CCDC170: variants seen among roughly 807,000 people sequenced by gnomAD.
The protein encoded by CCDC170 is coiled-coil domain containing 170, also known as coiled-coil domain-containing protein 170.
Under a neutral mutation model 72.6 loss-of-function variants are expected in CCDC170, and 69 were observed. The observed-to-expected ratio is 0.95, with a 90% CI of 0.78 to 1.16. The LOEUF (loss-of-function observed/expected upper bound fraction) is 1.16, where lower values mean the gene tolerates loss of function less well. Among genes scored for constraint, CCDC170 ranks in the 50% most tolerant of loss-of-function variants. CCDC170 has a pLI of 0.00. For missense variants in CCDC170, 852 were observed against 832.5 expected, an observed-to-expected ratio of 1.02 and a Z score of -0.29; for synonymous variants, 300 against 303.9, an observed-to-expected ratio of 0.99 and a Z score of 0.13.
intron 9 of CCDC170, among the ~76,000 whole-genome samples, chr6:151,599,667 G>C (rs1776675169): frequency 6.6e-6 from 1 of 152,090 alleles, no homozygotes; most frequent in Non-Finnish European, 1.5e-5. Flanking sequence ...GAGAGAGATA[G>C]AGAGAGAGCA....
rs1033575924 is a variant in CCDC170 at position 151,517,741 on chromosome 6, C to T, written c.58-18577C>T. On this transcript the variant is annotated intron_variant, in intron 1 of 10. Transcript: ENST00000239374. ...ACAGGCGTGAGCCACCGTGCCCGGC[C>T]ACTAATAATTTCTTCTTAACTCCTG... Among the ~76,000 whole-genome samples, 16 of 152,084 alleles carry T rather than the reference C, an allele frequency of 1.1e-4. 1 individual carries two copies. The highest frequency in any genetic ancestry group is 1.0e-3 in the Admixed American group (16 of 15,248).
intron 1 of CCDC170, among the ~76,000 whole-genome samples, chr6:151,525,154 A>G (rs1233318304): frequency 6.6e-6 from 1 of 152,090 alleles, no homozygotes; most frequent in Non-Finnish European, 1.5e-5. Flanking sequence ...GGATAGTCTC[A>G]ATCTCCTGAC....
At chr6:151,586,947 G>A (rs1194422074) in intron 7 of CCDC170, among the ~76,000 whole-genome samples, 1 of 151,860 alleles carries the variant, frequency 6.6e-6, no homozygotes, top group Admixed American at 6.6e-5. Flanking sequence ...ACCACGCCCG[G>A]CTAATTTTTT....
intron 3 of CCDC170, among the ~76,000 whole-genome samples, chr6:151,541,168 C>T (rs1782684276): frequency 6.6e-6 from 1 of 152,142 alleles, no homozygotes; most frequent in East Asian, 1.9e-4. Context: ...TGGCTGCCTC[C>T]ATTTCCTTTA....
In CCDC170 at chr6:151,558,232, GTTTTTTTTTT is replaced by G. The variant is rs55648936; in HGVS notation, c.774+9757_774+9766del. On this transcript the variant is annotated intron_variant, in intron 5 of 10. Coordinates refer to ENST00000239374, the MANE Select transcript of CCDC170 (RefSeq NM_025059.4). ...TCACCCACTTTTTATTGAGATTAGT[GTTTTTTTTTT>G]TTTTTTTTTTTTTAATGTTGACTTG... Among the ~76,000 whole-genome samples, 142 of 70,874 alleles carry G rather than the reference GTTTTTTTTTT, an allele frequency of 2.0e-3. No individual in the cohort carries two copies. The East Asian group carries it at 0.036, about 18-fold the overall frequency. 46.5% of individuals were successfully genotyped at this position (70,874 alleles called of 152,430 possible).
chr6:151,547,534 C>T (rs1483503174), intron 4 of CCDC170, among the ~76,000 whole-genome samples: 2 of 151,940 alleles, frequency 1.3e-5, no homozygotes, highest in African/African-American at 4.8e-5. Context: ...AGAGAGGGAA[C>T]AGCATGAGTT....
At chr6:151,555,517 A>G (rs751042833) in intron 5 of CCDC170, among the ~76,000 whole-genome samples, 1 of 152,190 alleles carries the variant, frequency 6.6e-6, no homozygotes, top group Non-Finnish European at 1.5e-5. Context: ...CTAACTCTCT[A>G]TGTGAAATAA....
At chr6:151,495,538 C>T (rs1231682255) in intron 1 of CCDC170, among the ~76,000 whole-genome samples, 1 of 151,952 alleles carries the variant, frequency 6.6e-6, no homozygotes, top group Admixed American at 6.6e-5. Context: ...ACCTTGTTAC[C>T]CAGGCTCGAG....
chr6:151,558,024 T>C (rs1473828736), intron 5 of CCDC170, among the ~76,000 whole-genome samples: 1 of 23,416 alleles, frequency 4.3e-5, no homozygotes, highest in Non-Finnish European at 6.5e-5. Context: ...CGCTTGAGCT[T>C]GGGAGGTGAG....
intron 1 of CCDC170, among the ~76,000 whole-genome samples, chr6:151,526,504 G>A (rs930308776): frequency 2.7e-5 from 4 of 146,128 alleles, no homozygotes; most frequent in African/African-American, 1.0e-4. Flanking sequence ...ACAGGCATGA[G>A]CCACCCCGCC....
chr6:151,501,242 G>T (rs1041967471), intron 1 of CCDC170, among the ~76,000 whole-genome samples: 1 of 152,058 alleles, frequency 6.6e-6, no homozygotes, highest in Non-Finnish European at 1.5e-5. Flanking sequence ...CTCTTCAAAA[G>T]TGTCAAGGTC....
Position 151,620,805 on chromosome 6 carries a change from T to A in CCDC170, c.*2658T>A, listed in dbSNP as rs780227534. The A allele has an allele frequency of 4.5e-4, 36 of 80,556 alleles. No individual in the cohort carries two copies. Among genetic ancestry groups the A allele is most frequent in the Admixed American group, 1.6e-3 (16 of 10,006 alleles). The allele number at this position is 80,556 out of a possible 1,614,324, so 5.0% of individuals were successfully genotyped here. On this transcript the variant is annotated 3_prime_UTR_variant, in exon 11 of 11. Transcript: ENST00000239374. ...TAAATAATATTTTAAAAACATGAAA[T>A]TTTTTTTTCATTTTTGATTTGATAT...
chr6:151,596,847 G>T (rs1776633417), intron 9 of CCDC170, among the ~76,000 whole-genome samples: 1 of 152,068 alleles, frequency 6.6e-6, no homozygotes, highest in African/African-American at 2.4e-5. Flanking sequence ...TTTTTTTGAG[G>T]AGGAGTTTCG....
At chr6:151,503,655 G>A (rs1782025771) in intron 1 of CCDC170, among the ~76,000 whole-genome samples, 1 of 151,930 alleles carries the variant, frequency 6.6e-6, no homozygotes, top group South Asian at 2.1e-4. Flanking sequence ...GTTTCACCAT[G>A]TCGTCCAGGC....
At chr6:151,594,194 G>A (rs2115116435) in intron 8 of CCDC170, among the ~76,000 whole-genome samples, 1 of 152,294 alleles carries the variant, frequency 6.6e-6, no homozygotes, top group African/African-American at 2.4e-5. Context: ...TCTTAGGAGA[G>A]AAATGCTATG....
chr6:151,615,721 C>T, intron 10 of CCDC170, 42 bp downstream of exon 10: 2 of 1,372,584 alleles, frequency 1.5e-6, no homozygotes, highest in Non-Finnish European at 2.1e-6. Flanking sequence ...TAGGAAATGA[C>T]AGGACAATTC....
chr6:151,549,060 C>T (rs568821475), intron 5 of CCDC170, among the ~76,000 whole-genome samples: 96 of 152,176 alleles, frequency 6.3e-4, no homozygotes, highest in Non-Finnish European at 9.6e-4. Context: ...CCACCACACC[C>T]GGCTAATTTT....
chr6:151,499,257 G>T lies in CCDC170; in HGVS notation c.57+5072G>T, dbSNP rs9397418. Among the ~76,000 whole-genome samples the T allele has an allele frequency of 2.8e-3, 324 of 113,828 alleles. 1 individual carries two copies. The highest frequency in any genetic ancestry group is 4.1e-3 in the African/African-American group (98 of 23,678). 74.7% of individuals were successfully genotyped at this position (113,828 alleles called of 152,430 possible). A position where few individuals can be genotyped will look rare whatever the true frequency, so the allele number is the denominator to read the frequency against. ...TAGGCATGCTGTATAAGTGGAATCA[G>T]ACTGTATTTGACTCTTCTAGGCACA... is the stretch of plus-strand genomic sequence containing the variant. On this transcript the variant is annotated intron_variant, in intron 1 of 10. Coordinates refer to ENST00000239374, the MANE Select transcript of CCDC170 (RefSeq NM_025059.4).
intron 1 of CCDC170, among the ~76,000 whole-genome samples, chr6:151,504,665 G>A (rs1782041073): frequency 1.3e-5 from 2 of 151,950 alleles, no homozygotes; most frequent in South Asian, 4.2e-4. Context: ...AGGTTACTGG[G>A]GCAATGGTGG....
Sources: allele counts gnomAD v4.1 joint callset (sites outside exome capture counted in the v4.1 genomes callset), GRCh38; gene constraint gnomAD v4.1.1; transcripts MANE v1.5; gene names NCBI Gene and HGNC (gene_info 2026-07-23, HGNC 2026-07-21).